KSR1: variants seen among roughly 807,000 people sequenced by gnomAD.
The protein encoded by KSR1 is kinase suppressor of ras 1.
KSR1 carries 35 observed loss-of-function variants against 92.9 expected under a neutral mutation model. The ratio of observed to expected loss-of-function variants is 0.38; its 90% CI spans 0.29 to 0.50. The LOEUF is 0.50. Ranked by LOEUF, KSR1 falls within the 20% of genes least tolerant of loss-of-function variation. KSR1 has a pLI of 0.94. For synonymous variants in KSR1, 467 were observed against 472.6 expected, an observed-to-expected ratio of 0.99 and a Z score of 0.15; for missense variants, 972 against 1,158.5, an observed-to-expected ratio of 0.84 and a Z score of 2.34.
intron 1 of KSR1, among the ~76,000 whole-genome samples, chr17:27,550,331 G>A (rs2071349720): frequency 6.6e-6 from 1 of 152,198 alleles, no homozygotes; most frequent in South Asian, 2.1e-4. Flanking sequence ...TCCTGAGGTG[G>A]GCAGTGTCAG....
chr17:27,479,221 T>C (rs939742794), intron 1 of KSR1, among the ~76,000 whole-genome samples: 1 of 151,476 alleles, frequency 6.6e-6, no homozygotes, highest in Non-Finnish European at 1.5e-5. Flanking sequence ...TGCTCCTCCC[T>C]GCATCCATGC....
chr17:27,549,505 C>T (rs904965380), intron 1 of KSR1, among the ~76,000 whole-genome samples: 1 of 152,242 alleles, frequency 6.6e-6, no homozygotes, highest in African/African-American at 2.4e-5. Context: ...CCAGCCAGAG[C>T]CCAGTGTTTG....
At chr17:27,511,578 C>T (rs1039708483) in intron 1 of KSR1, among the ~76,000 whole-genome samples, 5 of 152,186 alleles carry the variant, frequency 3.3e-5, no homozygotes, top group African/African-American at 1.2e-4. Flanking sequence ...TCCTGCAGGA[C>T]CTGGGGCGAG....
rs931394972 is a variant in KSR1 at position 27,457,916 on chromosome 17, G to A, written c.231+1042G>A. ...TTCTCCTCCCCCAAACCCTCCCCCC[G>A]CCCCTTATTGCTAATTGCCTCTGCC... is the stretch of plus-strand genomic sequence containing the variant. On this transcript the variant is annotated intron_variant, in intron 1 of 20. Transcript: ENST00000644974. 1.0e-4 allele frequency among the ~76,000 whole-genome samples: 7 copies of A among 69,152 alleles called. No homozygotes were observed. The East Asian group carries it at 1.7e-3, about 17-fold the overall frequency. 45.4% of individuals were successfully genotyped at this position (69,152 alleles called of 152,430 possible).
chr17:27,462,721 T>G, intron 1 of KSR1, among the ~76,000 whole-genome samples: 1 of 152,262 alleles, frequency 6.6e-6, no homozygotes, highest in Non-Finnish European at 1.5e-5. Context: ...TGATATATGT[T>G]CACTATAAAA....
At chr17:27,489,697 C>T (rs1299711590) in intron 1 of KSR1, among the ~76,000 whole-genome samples, 3 of 152,162 alleles carry the variant, frequency 2.0e-5, no homozygotes, top group Non-Finnish European at 4.4e-5. Flanking sequence ...TTTGCTTCTT[C>T]TCTCCCCTGT....
chr17:27,473,854 T>C (rs1199133115), intron 1 of KSR1, among the ~76,000 whole-genome samples: 2 of 152,146 alleles, frequency 1.3e-5, no homozygotes, highest in African/African-American at 4.8e-5. Context: ...GTTGGCCTGG[T>C]GGCTTATGAG....
At chr17:27,538,435 C>G (rs2070830498) in intron 1 of KSR1, among the ~76,000 whole-genome samples, 1 of 152,200 alleles carries the variant, frequency 6.6e-6, no homozygotes, top group African/African-American at 2.4e-5. Flanking sequence ...CCCATGCTTT[C>G]CCAGCAGGTC....
intron 4 of KSR1, among the ~76,000 whole-genome samples, chr17:27,583,372 T>C (rs1477179029): frequency 6.6e-6 from 1 of 152,248 alleles, no homozygotes; most frequent in African/African-American, 2.4e-5. Flanking sequence ...AAATAACAGA[T>C]ATGCCCAAAT....
intron 1 of KSR1, among the ~76,000 whole-genome samples, chr17:27,457,587 G>A (rs967917515): frequency 2.0e-5 from 3 of 152,194 alleles, no homozygotes; most frequent in Admixed American, 2.0e-4. Flanking sequence ...AAAGGGTTCT[G>A]ATGGAGACAG....
intron 6 of KSR1, among the ~76,000 whole-genome samples, chr17:27,589,769 G>A (rs533943113): frequency 1.4e-4 from 21 of 152,108 alleles, no homozygotes; most frequent in East Asian, 3.9e-4. Flanking sequence ...TCTATCTTTC[G>A]TGTTTTCTTT....
intron 2 of KSR1, among the ~76,000 whole-genome samples, chr17:27,555,511 CGTGT>C (rs71359222): frequency 0.38 from 56,827 of 150,030 alleles, 10,870 homozygotes; most frequent in Non-Finnish European, 0.43. Flanking sequence ...TTTTGTTTGG[CGTGT>C]GTGTGTGTGT....
chr17:27,488,877 T>G (rs902671362), intron 1 of KSR1, among the ~76,000 whole-genome samples: 2 of 152,180 alleles, frequency 1.3e-5, no homozygotes, highest in East Asian at 3.9e-4. Flanking sequence ...GGCAAGAGAA[T>G]TGCTTGAACC....
In KSR1 at chr17:27,601,397, T is replaced by C. The variant is rs1427782848; in HGVS notation, c.1506T>C (p.Phe502=). The part of the protein sequence containing the change: ...YFIHHRQQFI[F]PDISAFAHAA... ...TTCATCATAGACAGCAGTTTATCTT[T>C]CCAGGTGAGTCCTTTGCATGGTTCC... Residue 502 remains phenylalanine, a synonymous_variant, in exon 11 of 21, where the codon TTT becomes TTC. Coordinates refer to ENST00000644974, the MANE Select transcript of KSR1 (RefSeq NM_001394583.1). 1.2e-6 allele frequency: 2 copies of C among 1,613,312 alleles called. No individual in the cohort carries two copies. Among genetic ancestry groups the C allele is most frequent in the Non-Finnish European group, 1.7e-6 (2 of 1,179,258 alleles).
At chr17:27,492,662 A>C (rs893499059) in intron 1 of KSR1, among the ~76,000 whole-genome samples, 3 of 152,150 alleles carry the variant, frequency 2.0e-5, no homozygotes, top group African/African-American at 7.2e-5. Context: ...GGCAGCCATG[A>C]GTTAGATAAA....
At chr17:27,554,144 A>G (rs772721346) in intron 2 of KSR1, among the ~76,000 whole-genome samples, 9 of 152,200 alleles carry the variant, frequency 5.9e-5, no homozygotes, top group Non-Finnish European at 1.0e-4. Context: ...TCTGTCATGC[A>G]TTAAAAACCC....
At chr17:27,508,293 A>G (rs752143041) in intron 1 of KSR1, among the ~76,000 whole-genome samples, 1 of 152,158 alleles carries the variant, frequency 6.6e-6, no homozygotes, top group Non-Finnish European at 1.5e-5. Context: ...CCTGGCTCTG[A>G]GCAGTTAGAA....
intron 1 of KSR1, among the ~76,000 whole-genome samples, chr17:27,489,577 G>C (rs114572675): frequency 0.012 from 1,854 of 152,092 alleles, 28 homozygotes; most frequent in African/African-American, 0.042. Flanking sequence ...TCTTCCATCC[G>C]TGTGTACAAA....
chr17:27,554,768 A>G (rs1361015720), intron 2 of KSR1, among the ~76,000 whole-genome samples: 1 of 152,230 alleles, frequency 6.6e-6, no homozygotes, highest in African/African-American at 2.4e-5. Context: ...GTCCCTGGAA[A>G]AATTATCTTC....
Sources: allele counts gnomAD v4.1 joint callset (sites outside exome capture counted in the v4.1 genomes callset), GRCh38; gene constraint gnomAD v4.1.1; transcripts MANE v1.5; gene names NCBI Gene and HGNC (gene_info 2026-07-23, HGNC 2026-07-21).